The following SNTG1 variants were observed in gnomAD, a reference collection of about 807,000 sequenced individuals.
The protein encoded by SNTG1 is syntrophin gamma 1.
A neutral mutation model predicts 74.7 loss-of-function variants in SNTG1; 39 were observed. That is an observed-to-expected ratio of 0.52 (90% CI 0.40 to 0.68). SNTG1 has a LOEUF of 0.68. SNTG1 is among the 30% of genes least tolerant of loss of function. The pLI, the probability that SNTG1 is intolerant of heterozygous loss-of-function variation, is 0.00. For synonymous variants in SNTG1, 254 were observed against 217.1 expected (o/e 1.17, Z -1.49); for missense variants, 685 against 609.5 (o/e 1.12, Z -1.30).
chr8:50,091,786 A>C (rs1422786864), intron 1 of SNTG1, among the ~76,000 whole-genome samples: 1 of 152,122 alleles, frequency 6.6e-6, no homozygotes, highest in Non-Finnish European at 1.5e-5. Context: ...GTAATCCATA[A>C]GCAGGATAAT....
intron 17 of SNTG1, among the ~76,000 whole-genome samples, chr8:50,745,099 C>T (rs544242920): frequency 1.3e-5 from 2 of 152,046 alleles, no homozygotes; most frequent in African/African-American, 4.8e-5. Flanking sequence ...GGTACTACAA[C>T]AGAGTGCAAA....
intron 2 of SNTG1, among the ~76,000 whole-genome samples, chr8:50,308,461 T>C (rs975102500): frequency 6.6e-6 from 1 of 152,026 alleles, no homozygotes; most frequent in South Asian, 2.1e-4. Flanking sequence ...TTACCTCCTT[T>C]TGTGTGGTCA....
At chr8:50,564,898 A>C (rs77414528) in intron 12 of SNTG1, among the ~76,000 whole-genome samples, 1 of 152,066 alleles carries the variant, frequency 6.6e-6, no homozygotes, top group South Asian at 2.1e-4. Flanking sequence ...TGTGTATAGC[A>C]ATCTTCTTCC....
intron 13 of SNTG1, among the ~76,000 whole-genome samples, chr8:50,635,839 C>A (rs2095035719): frequency 6.6e-6 from 1 of 152,088 alleles, no homozygotes; most frequent in Non-Finnish European, 1.5e-5. Context: ...ACTTTTATCT[C>A]TGCTCTTCTA....
intron 1 of SNTG1, among the ~76,000 whole-genome samples, chr8:49,993,203 A>T (rs1585805663): frequency 6.6e-6 from 1 of 152,138 alleles, no homozygotes; most frequent in African/African-American, 2.4e-5. Context: ...GCATGGGAGT[A>T]CTGGCAGGTG....
intron 1 of SNTG1, among the ~76,000 whole-genome samples, chr8:50,001,817 T>C (rs1814765278): frequency 6.6e-6 from 1 of 152,310 alleles, no homozygotes; most frequent in Admixed American, 6.5e-5. Context: ...GCAAAACTTA[T>C]GGTTTGTAGA....
At chr8:50,449,943 G>C (rs1017181278) in intron 6 of SNTG1, among the ~76,000 whole-genome samples, 4 of 152,150 alleles carry the variant, frequency 2.6e-5, no homozygotes, top group Non-Finnish European at 5.9e-5. Context: ...CTGAAAGATA[G>C]GAACCCTTGA....
At chr8:49,967,916 C>T (rs1274795033) in intron 1 of SNTG1, among the ~76,000 whole-genome samples, 1 of 152,102 alleles carries the variant, frequency 6.6e-6, no homozygotes, top group African/African-American at 2.4e-5. Context: ...CAGCTTCCTC[C>T]CTGTCCCCAG....
intron 1 of SNTG1, among the ~76,000 whole-genome samples, chr8:49,960,133 T>C (rs1183990908): frequency 1.3e-5 from 2 of 152,238 alleles, no homozygotes; most frequent in Admixed American, 6.5e-5. Context: ...CTTTTGTAAC[T>C]GTTTTTCTTT....
chr8:50,175,889 C>T (rs935217512), intron 2 of SNTG1, among the ~76,000 whole-genome samples: 23 of 152,108 alleles, frequency 1.5e-4, no homozygotes, highest in Non-Finnish European at 2.6e-4. Flanking sequence ...AATTCATGCT[C>T]ATATTTGCCC....
At chr8:50,208,684 T>G (rs550325265) in intron 2 of SNTG1, among the ~76,000 whole-genome samples, 25 of 152,354 alleles carry the variant, frequency 1.6e-4, no homozygotes, top group African/African-American at 5.5e-4. Context: ...TGTCATGTTT[T>G]TGCAGTGGCT....
intron 9 of SNTG1, among the ~76,000 whole-genome samples, chr8:50,511,852 G>T (rs2094079775): frequency 6.6e-6 from 1 of 152,076 alleles, no homozygotes; most frequent in Admixed American, 6.6e-5. Flanking sequence ...ACACTGATGG[G>T]TCTTGACTCT....
intron 18 of SNTG1, among the ~76,000 whole-genome samples, chr8:50,775,798 T>C (rs1320677367): frequency 6.6e-6 from 1 of 151,732 alleles, no homozygotes; most frequent in Non-Finnish European, 1.5e-5. Flanking sequence ...TCTAAGTTAT[T>C]TGATGCATAC....
At chr8:50,538,018 A>G (rs1424456193) in intron 11 of SNTG1, among the ~76,000 whole-genome samples, 1 of 152,150 alleles carries the variant, frequency 6.6e-6, no homozygotes, top group Non-Finnish European at 1.5e-5. Flanking sequence ...TACTCCTGCA[A>G]GTTTAGCATT....
chr8:50,289,202 G>GT (rs772984231), intron 2 of SNTG1, among the ~76,000 whole-genome samples: 16 of 152,074 alleles, frequency 1.1e-4, no homozygotes, highest in Non-Finnish European at 1.6e-4. Context: ...GGAAAACACA[G>GT]TAACATAAAA....
At chr8:49,910,558 T>C (rs1005799276), upstream of SNTG1, among the ~76,000 whole-genome samples, 2 of 152,226 alleles carry the variant, frequency 1.3e-5, no homozygotes, top group East Asian at 3.9e-4. Flanking sequence ...CACTGGCGTC[T>C]GCACCCGTTG....
chr8:50,183,281 A>G (rs1455100972), intron 2 of SNTG1, among the ~76,000 whole-genome samples: 1 of 152,080 alleles, frequency 6.6e-6, no homozygotes, highest in Admixed American at 6.6e-5. Context: ...CCGCATTCAC[A>G]CAGAAGATTA....
At chr8:50,386,000 G>A (rs1468339503) in intron 2 of SNTG1, among the ~76,000 whole-genome samples, 2 of 152,152 alleles carry the variant, frequency 1.3e-5, no homozygotes, top group African/African-American at 2.4e-5. Context: ...ACAATATCTC[G>A]AGGAAAGTGG....
chr8:50,482,750 G>A (rs908945187), intron 8 of SNTG1, among the ~76,000 whole-genome samples: 3 of 152,156 alleles, frequency 2.0e-5, no homozygotes, highest in African/African-American at 7.2e-5. Flanking sequence ...ACATGAGGGG[G>A]CTAATACTTT....
Sources: gnomAD v4.1 joint callset for allele counts (sites outside exome capture counted in the v4.1 genomes callset) on GRCh38, gnomAD v4.1.1 for gene constraint, MANE v1.5 for transcripts, NCBI Gene and HGNC (gene_info 2026-07-23, HGNC 2026-07-21) for gene names.